The following COG5 variants were observed in gnomAD, a reference collection of about 807,000 sequenced individuals.
The protein encoded by COG5 is component of oligomeric golgi complex 5.
In COG5, 86 loss-of-function variants were observed where a neutral mutation model predicts 110.4. The observed-to-expected ratio is 0.78, with a 90% CI of 0.65 to 0.93. COG5 has a LOEUF of 0.93. Among genes scored for constraint, COG5 ranks in the 40% least tolerant of loss-of-function variants. The probability of loss-of-function intolerance (pLI) is 0.00; values close to 1 mark genes in which losing one functional copy is unlikely to be tolerated. For synonymous variants in COG5, 360 were observed against 334.6 expected, an observed-to-expected ratio of 1.08 and a Z score of -0.83; for missense variants, 1,077 against 987.0, an observed-to-expected ratio of 1.09 and a Z score of -1.22.
chr7:107,213,963 C>T (rs1167547629), intron 19 of COG5, among the ~76,000 whole-genome samples: 1 of 152,066 alleles, frequency 6.6e-6, no homozygotes, highest in African/African-American at 2.4e-5. Flanking sequence ...AAATACACAA[C>T]AATCCTCTTA....
intron 5 of COG5, among the ~76,000 whole-genome samples, chr7:107,539,874 GA>G (rs1351865052): frequency 1.3e-5 from 2 of 152,108 alleles, no homozygotes; most frequent in Non-Finnish European, 2.9e-5. Context: ...ACAATAATTG[GA>G]TAACAGAAAA....
intron 6 of COG5, among the ~76,000 whole-genome samples, chr7:107,424,795 T>C (rs1440098740): frequency 6.6e-6 from 1 of 152,186 alleles, no homozygotes; most frequent in African/African-American, 2.4e-5. Context: ...GATACCCTTA[T>C]ATACATTAAA....
intron 5 of COG5, among the ~76,000 whole-genome samples, chr7:107,541,687 C>T (rs1802050504): frequency 6.6e-6 from 1 of 150,782 alleles, no homozygotes; most frequent in Non-Finnish European, 1.5e-5. Flanking sequence ...AATCCCAGCA[C>T]TTTGGGAGGC....
At chr7:107,477,063 A>C (rs1190015071) in intron 6 of COG5, among the ~76,000 whole-genome samples, 1 of 151,708 alleles carries the variant, frequency 6.6e-6, no homozygotes, top group East Asian at 1.9e-4. Flanking sequence ...TCAATTTGAC[A>C]AAATGTAGCA....
chr7:107,491,027 C>T (rs1446607460), intron 6 of COG5, among the ~76,000 whole-genome samples: 1 of 152,056 alleles, frequency 6.6e-6, no homozygotes, highest in Non-Finnish European at 1.5e-5. Context: ...CCTAACTAAT[C>T]CTTGCAGTTT....
intron 11 of COG5, 78 bp downstream of exon 11, chr7:107,324,362 C>T: frequency 1.1e-6 from 1 of 941,522 alleles, no homozygotes; most frequent in South Asian, 1.5e-5. Flanking sequence ...TAAACCAATA[C>T]AGCAAAGCTT....
Position 107,501,931 on chromosome 7 carries a change from C to CA in COG5, c.538+25305dup, listed in dbSNP as rs966146598. Among the ~76,000 whole-genome samples the CA allele has an allele frequency of 6.2e-4, 94 of 152,062 alleles. 4 individuals carry two copies. Among genetic ancestry groups the CA allele is most frequent in the Admixed American group, 6.5e-5 (1 of 15,268 alleles). ...TTAACTATGAAGAAGTTGTCACACA[C>CA]AAAAAACTTCAATGCATTTAAGAAA... On this transcript the variant is annotated intron_variant, in intron 6 of 21. Transcript: ENST00000297135.
intron 10 of COG5, among the ~76,000 whole-genome samples, chr7:107,325,546 G>A (rs1179852662): frequency 6.6e-6 from 1 of 152,160 alleles, no homozygotes; most frequent in Non-Finnish European, 1.5e-5. Context: ...AGCTACTAGG[G>A]AGACTGAGGC....
intron 10 of COG5, among the ~76,000 whole-genome samples, chr7:107,358,281 T>C (rs1335920397): frequency 1.3e-5 from 2 of 152,164 alleles, no homozygotes; most frequent in African/African-American, 2.4e-5. Context: ...AAAGACTAAA[T>C]AGATTCATTT....
intron 6 of COG5, among the ~76,000 whole-genome samples, chr7:107,441,440 T>C (rs1281523203): frequency 1.3e-5 from 2 of 152,092 alleles, no homozygotes; most frequent in Non-Finnish European, 2.9e-5. Context: ...TTTTGTCGTT[T>C]ATGCCTTTTT....
At chr7:107,371,967 G>T (rs1359993405) in intron 8 of COG5, among the ~76,000 whole-genome samples, 1 of 152,036 alleles carries the variant, frequency 6.6e-6, no homozygotes, top group African/African-American at 2.4e-5. Context: ...CATAATCTGT[G>T]GTCTTTTCTA....
chr7:107,545,349 A>G (rs1042513227), intron 5 of COG5, among the ~76,000 whole-genome samples: 1 of 152,250 alleles, frequency 6.6e-6, no homozygotes, highest in Admixed American at 6.5e-5. Context: ...GTCAAAAATC[A>G]AAAACAGAGA....
At chr7:107,203,670 A>C (rs1372267399) in intron 21 of COG5, 40 bp from the exon 22 acceptor site, 1 of 1,269,520 alleles carries the variant, frequency 7.9e-7, no homozygotes, top group East Asian at 2.3e-5. Flanking sequence ...ATATTAGATA[A>C]ATCACATAAA....
At chr7:107,462,435 G>T (rs1346297565) in intron 6 of COG5, among the ~76,000 whole-genome samples, 1 of 152,036 alleles carries the variant, frequency 6.6e-6, no homozygotes, top group African/African-American at 2.4e-5. Context: ...CAGGCTTGAG[G>T]GAAGCATGAA....
rs959534478 is a variant in COG5, at chr7:107,397,988, T to A, written c.669+14514A>T. On this transcript the variant is annotated intron_variant, in intron 7 of 21. Transcript: ENST00000297135. ...ACTGACTTTCTCTATGGAAAAAAAATAATTTTGCACTGTACATAAAAATTA... is the reference window on the plus strand; with the variant it reads ...ACTGACTTTCTCTATGGAAAAAAAAAAATTTTGCACTGTACATAAAAATTA... Among the ~76,000 whole-genome samples, 13 of 151,966 alleles carry A rather than the reference T, an allele frequency of 8.6e-5. No individual in the cohort carries two copies. The South Asian group carries it at 1.0e-3, about 12-fold the overall frequency.
At chr7:107,541,909 A>C (rs2129169077) in intron 5 of COG5, among the ~76,000 whole-genome samples, 1 of 151,408 alleles carries the variant, frequency 6.6e-6, no homozygotes, top group East Asian at 1.9e-4. Flanking sequence ...CAGCCTGGGC[A>C]ACAGAGTGAG....
At chr7:107,413,007 G>T (rs1792421033) in intron 6 of COG5, among the ~76,000 whole-genome samples, 2 of 148,014 alleles carry the variant, frequency 1.4e-5, no homozygotes, top group South Asian at 4.3e-4. Flanking sequence ...TGCTGCTGTT[G>T]TTTTTTTTTT....
chr7:107,451,038 T>C lies in COG5; in HGVS notation c.539-38406A>G, dbSNP rs114488361. Among the ~76,000 whole-genome samples the C allele has an allele frequency of 5.6e-3, 845 of 152,244 alleles. 12 individuals are homozygous for C. The highest frequency in any genetic ancestry group is 0.02 in the African/African-American group (818 of 41,542). On this transcript the variant is annotated intron_variant, in intron 6 of 21. Coordinates refer to ENST00000297135, the MANE Select transcript of COG5 (RefSeq NM_006348.5). ...TCTATGGAAAGGGCTGTCAATGCTA[T>C]AGAAGAGAACTCCAATAGAGAGAAC... is the stretch of plus-strand genomic sequence containing the variant.
intron 14 of COG5, among the ~76,000 whole-genome samples, chr7:107,277,721 G>C (rs1476884901): frequency 6.6e-6 from 1 of 152,108 alleles, no homozygotes. Context: ...AATGATGGTA[G>C]TTATTTTTGT....
Sources: allele counts gnomAD v4.1 joint callset (sites outside exome capture counted in the v4.1 genomes callset), GRCh38; gene constraint gnomAD v4.1.1; transcripts MANE v1.5; gene names NCBI Gene and HGNC (gene_info 2026-07-23, HGNC 2026-07-21).